B3GALT1: variants seen among roughly 807,000 people sequenced by gnomAD.
B3GALT1 encodes the protein beta-1,3-galactosyltransferase 1.
A neutral mutation model predicts 23.2 loss-of-function variants in B3GALT1; 10 were observed. The observed-to-expected ratio is 0.43, with a 90% CI of 0.27 to 0.73. B3GALT1 has a LOEUF of 0.73. Among genes scored for constraint, B3GALT1 ranks in the 30% least tolerant of loss-of-function variants. The pLI is 0.21. For synonymous variants in B3GALT1, 156 were observed against 141.5 expected, an observed-to-expected ratio of 1.10 and a Z score of -0.73; for missense variants, 299 against 405.4, an observed-to-expected ratio of 0.74 and a Z score of 2.25.
chr2:167,408,316 C>T (rs1032469643), intron 1 of B3GALT1, among the ~76,000 whole-genome samples: 1 of 152,202 alleles, frequency 6.6e-6, no homozygotes, highest in East Asian at 1.9e-4. Context: ...TAAAATTCAG[C>T]ATCCCTTATT....
At chr2:167,713,661 T>TTCTC in intron 3 of B3GALT1, 1 of 1,369,358 alleles carries the variant, frequency 7.3e-7, no homozygotes, top group Non-Finnish European at 1.0e-6. Flanking sequence ...ATTGTCAGAT[T>TTCTC]TCTTGCTGTG....
chr2:167,718,297 T>C (rs558655772), intron 3 of B3GALT1, among the ~76,000 whole-genome samples: 4 of 149,542 alleles, frequency 2.7e-5, no homozygotes, highest in African/African-American at 9.7e-5. Context: ...AAAAAAAAAA[T>C]CCCCAATTTC....
intron 1 of B3GALT1, among the ~76,000 whole-genome samples, chr2:167,443,347 T>C (rs1201713136): frequency 6.6e-6 from 1 of 152,214 alleles, no homozygotes; most frequent in Non-Finnish European, 1.5e-5. Context: ...AGGATTGACT[T>C]GGCAATGCGG....
intron 1 of B3GALT1, among the ~76,000 whole-genome samples, chr2:167,448,467 T>G (rs924544535): frequency 6.6e-6 from 1 of 152,174 alleles, no homozygotes; most frequent in Non-Finnish European, 1.5e-5. Context: ...ATTGTTGGTT[T>G]TTTTGTTGCT....
At chr2:167,459,802 T>G (rs1304910684) in intron 1 of B3GALT1, among the ~76,000 whole-genome samples, 1 of 152,120 alleles carries the variant, frequency 6.6e-6, no homozygotes, top group Non-Finnish European at 1.5e-5. Context: ...GTAATGAACT[T>G]TTGTTTATCT....
rs143988766 is a variant in B3GALT1 at position 167,485,287 on chromosome 2, T to A, written c.-510-4890T>A. 1.1e-3 allele frequency among the ~76,000 whole-genome samples: 161 copies of A among 152,262 alleles called. 2 individuals carry two copies. The East Asian group carries it at 0.029, about 27-fold the overall frequency. On this transcript the variant is annotated intron_variant, in intron 1 of 4. Transcript: ENST00000392690. ...CTGCCTGAACCACCCACATGGCAAGTTTTGAAAAAAAGATTATTTGAATGA... is the reference window on the plus strand; with the variant it reads ...CTGCCTGAACCACCCACATGGCAAGATTTGAAAAAAAGATTATTTGAATGA...
intron 3 of B3GALT1, among the ~76,000 whole-genome samples, chr2:167,654,587 G>A (rs1685922959): frequency 6.6e-6 from 1 of 151,872 alleles, no homozygotes; most frequent in Admixed American, 6.6e-5. Flanking sequence ...GCAGCCTTCT[G>A]GGCTCAAAGG....
chr2:167,502,718 A>T (rs1699864552), intron 2 of B3GALT1, among the ~76,000 whole-genome samples: 1 of 152,188 alleles, frequency 6.6e-6, no homozygotes, highest in South Asian at 2.1e-4. Flanking sequence ...ACCTCCCACT[A>T]GGCCCCTCTT....
intron 3 of B3GALT1, chr2:167,714,884 A>G: frequency 6.2e-7 from 1 of 1,609,786 alleles, no homozygotes; most frequent in Non-Finnish European, 8.5e-7. Flanking sequence ...GTGGAGTGTC[A>G]TTTCATTTTC....
At chr2:167,427,574 T>A (rs1018221933) in intron 1 of B3GALT1, among the ~76,000 whole-genome samples, 7 of 152,210 alleles carry the variant, frequency 4.6e-5, no homozygotes, top group African/African-American at 1.7e-4. Flanking sequence ...TTTCATTCTG[T>A]TGCCCAGGCT....
At chr2:167,495,477 G>A (rs1186242008) in intron 2 of B3GALT1, among the ~76,000 whole-genome samples, 1 of 151,960 alleles carries the variant, frequency 6.6e-6, no homozygotes, top group Middle Eastern at 3.2e-3. Context: ...GGGATTACAG[G>A]CATGCGCCAC....
rs905111003 is a variant in B3GALT1 at position 167,714,606 on chromosome 2, T to C, written c.-352+67640T>C. On this transcript the variant is annotated intron_variant, in intron 3 of 4. Transcript: ENST00000392690. ...GATTTAAACTCTGTTTCAGTTAATT[T>C]TTGTTTGTTGTGAGCATTTTCTTTC... is the stretch of plus-strand genomic sequence containing the variant. 3.1e-6 allele frequency: 5 copies of C among 1,613,576 alleles called. No homozygotes were observed. In the African/African-American group the frequency reaches 6.7e-5, roughly 22 times the overall value.
At chr2:167,620,087 G>A (rs1685229457) in intron 2 of B3GALT1, among the ~76,000 whole-genome samples, 1 of 152,058 alleles carries the variant, frequency 6.6e-6, no homozygotes, top group South Asian at 2.1e-4. Context: ...AGTTCGCTGA[G>A]ATCTGATGGA....
intron 2 of B3GALT1, among the ~76,000 whole-genome samples, chr2:167,557,048 A>G (rs766382953): frequency 6.6e-6 from 1 of 152,190 alleles, no homozygotes; most frequent in Non-Finnish European, 1.5e-5. Context: ...ATTTGGCTGC[A>G]TATTATAAAT....
intron 2 of B3GALT1, among the ~76,000 whole-genome samples, chr2:167,506,265 A>G (rs1208158137): frequency 6.6e-6 from 1 of 152,032 alleles, no homozygotes; most frequent in Non-Finnish European, 1.5e-5. Flanking sequence ...AAGACTCTTT[A>G]TTTTTCACCA....
chr2:167,544,097 C>T (rs1366227223), intron 2 of B3GALT1, among the ~76,000 whole-genome samples: 1 of 152,170 alleles, frequency 6.6e-6, no homozygotes, highest in Non-Finnish European at 1.5e-5. Flanking sequence ...AAACCTTCCC[C>T]AGAATACATG....
At chr2:167,407,469 G>A (rs528317267) in intron 1 of B3GALT1, among the ~76,000 whole-genome samples, 2 of 151,942 alleles carry the variant, frequency 1.3e-5, no homozygotes, top group East Asian at 3.9e-4. Context: ...ATAATTAGTA[G>A]TAGGAAAGAA....
rs142983550 is a variant in B3GALT1, at chr2:167,397,431, A to G, written c.-510-92746A>G. Among the ~76,000 whole-genome samples the G allele has an allele frequency of 5.4e-3, 819 of 152,218 alleles. 5 individuals carry two copies. The highest frequency in any genetic ancestry group is 0.018 in the African/African-American group (758 of 41,558). On this transcript the variant is annotated intron_variant, in intron 1 of 4. Transcript: ENST00000392690. ...CTCAAATCTTTGAAAAAGTGAAAGG[A>G]GAATCTTCTTTCTCTCAACTCAGAA...
At chr2:167,550,134 T>G (rs1683720414) in intron 2 of B3GALT1, among the ~76,000 whole-genome samples, 1 of 152,242 alleles carries the variant, frequency 6.6e-6, no homozygotes, top group Non-Finnish European at 1.5e-5. Flanking sequence ...GTCAACATCC[T>G]TCTCATCTCT....
Sources: gnomAD v4.1 joint callset for allele counts (sites outside exome capture counted in the v4.1 genomes callset) on GRCh38, gnomAD v4.1.1 for gene constraint, MANE v1.5 for transcripts, NCBI Gene and HGNC (gene_info 2026-07-23, HGNC 2026-07-21) for gene names.